Variants in MSH3 observed in about 807,000 individuals in gnomAD.
MSH3 encodes the protein DNA mismatch repair protein Msh3.
MSH3 carries 106 observed loss-of-function variants against 123.3 expected under a neutral mutation model. The ratio of observed to expected loss-of-function variants is 0.86; its 90% CI spans 0.73 to 1.01. The LOEUF is 1.01. MSH3 is among the 50% of genes least tolerant of loss of function. The pLI is 0.00. For missense variants in MSH3, 1,459 were observed against 1,347.6 expected, an observed-to-expected ratio of 1.08 and a Z score of -1.29; for synonymous variants, 515 against 481.4, an observed-to-expected ratio of 1.07 and a Z score of -0.91.
chr5:80,767,373 C>T (rs1744140776), intron 13 of MSH3, among the ~76,000 whole-genome samples: 1 of 152,002 alleles, frequency 6.6e-6, no homozygotes, highest in South Asian at 2.1e-4. Flanking sequence ...CATCCTGTTA[C>T]ATGGTTATTG....
At chr5:80,762,863 T>C (rs1391126691) in intron 13 of MSH3, among the ~76,000 whole-genome samples, 1 of 96,328 alleles carries the variant, frequency 1.0e-5, no homozygotes, top group Admixed American at 1.2e-4. Context: ...ATTTTATTTT[T>C]GAGACAGACT....
chr5:80,817,089 T>A (rs937797931), intron 20 of MSH3, among the ~76,000 whole-genome samples: 1 of 152,200 alleles, frequency 6.6e-6, no homozygotes, highest in Non-Finnish European at 1.5e-5. Flanking sequence ...GTTCTGAGAC[T>A]GAACCTTAAA....
At chr5:80,868,270 A>G (rs1476955315) in intron 22 of MSH3, among the ~76,000 whole-genome samples, 2 of 152,092 alleles carry the variant, frequency 1.3e-5, no homozygotes, top group Non-Finnish European at 2.9e-5. Context: ...GTTACTGGGT[A>G]TATACCCAGA....
At chr5:80,761,453 T>C in intron 12 of MSH3, 93 bp from the exon 13 acceptor site, 7 of 1,460,398 alleles carry the variant, frequency 4.8e-6, no homozygotes, top group South Asian at 4.6e-5. Flanking sequence ...GCCTAATAAG[T>C]GGCTGTGTCA....
At chr5:80,729,436 G>A (rs1338253962) in intron 10 of MSH3, among the ~76,000 whole-genome samples, 2 of 106,078 alleles carry the variant, frequency 1.9e-5, no homozygotes, top group Non-Finnish European at 4.0e-5. Context: ...AAAAATGTGT[G>A]TGTGTGTGTG....
chr5:80,700,348 T>G (rs1218177384), intron 8 of MSH3, among the ~76,000 whole-genome samples: 1 of 152,206 alleles, frequency 6.6e-6, no homozygotes, highest in Non-Finnish European at 1.5e-5. Flanking sequence ...CCCACTGCAC[T>G]CCAGTCTGGG....
intron 18 of MSH3, among the ~76,000 whole-genome samples, chr5:80,791,700 C>T (rs970076209): frequency 6.6e-6 from 1 of 152,140 alleles, no homozygotes; most frequent in Non-Finnish European, 1.5e-5. Flanking sequence ...ATGGTGAAAT[C>T]TATTTTTTGT....
chr5:80,784,383 A>G (rs1744467679), intron 17 of MSH3, among the ~76,000 whole-genome samples: 1 of 152,034 alleles, frequency 6.6e-6, no homozygotes, highest in Non-Finnish European at 1.5e-5. Context: ...GGCATCTTCA[A>G]AACTAGAGAG....
intron 8 of MSH3, among the ~76,000 whole-genome samples, chr5:80,683,485 A>T (rs1750016871): frequency 6.6e-6 from 1 of 152,106 alleles, no homozygotes. Context: ...TTCACATACC[A>T]GGCTGCCATT....
intron 21 of MSH3, among the ~76,000 whole-genome samples, chr5:80,854,587 A>G (rs1048212274): frequency 3.3e-5 from 5 of 152,156 alleles, no homozygotes; most frequent in Admixed American, 3.3e-4. Flanking sequence ...ATCCCTGCAT[A>G]CCCTTTTGTA....
At chr5:80,835,729 A>G (rs1745496419) in intron 20 of MSH3, among the ~76,000 whole-genome samples, 1 of 152,140 alleles carries the variant, frequency 6.6e-6, no homozygotes, top group African/African-American at 2.4e-5. Flanking sequence ...AGCCTAGCCA[A>G]CAGGGTGAAA....
intron 8 of MSH3, among the ~76,000 whole-genome samples, chr5:80,702,638 C>G (rs1438958414): frequency 6.6e-6 from 1 of 151,998 alleles, no homozygotes; most frequent in East Asian, 1.9e-4. Flanking sequence ...ACAGGTAACA[C>G]TTAACTAGAC....
intron 19 of MSH3, among the ~76,000 whole-genome samples, chr5:80,794,458 G>GA (rs1163619883): frequency 1.3e-5 from 2 of 152,182 alleles, no homozygotes; most frequent in South Asian, 2.1e-4. Context: ...AGGGCTCAGA[G>GA]AAAAAACCTG....
At chr5:80,826,911 T>A (rs1035593156) in intron 20 of MSH3, among the ~76,000 whole-genome samples, 11 of 152,196 alleles carry the variant, frequency 7.2e-5, no homozygotes, top group African/African-American at 2.7e-4. Context: ...AAGAAGCAGA[T>A]TTTTTTAAAA....
chr5:80,775,722 T>C lies in MSH3; in HGVS notation c.2282T>C (p.Val761Ala). Residue 761 changes from valine to alanine, a missense_variant, in exon 16 of 24, where the codon GTA becomes GCA. Transcript: ENST00000265081. ...ATGATAGAAATAAAGAACTCTGCTGTATCTTGTATACCAACTGATTGGGTA... is the reference window on the plus strand; with the variant it reads ...ATGATAGAAATAAAGAACTCTGCTGCATCTTGTATACCAACTGATTGGGTA... ...EFMIEIKNSA[V>A]SCIPTDWVKV... 6.3e-7 allele frequency: 1 copy of C among 1,587,766 alleles called. No individual in the cohort carries two copies. Among genetic ancestry groups the C allele is most frequent in the Non-Finnish European group, 8.6e-7 (1 of 1,156,338 alleles).
At chr5:80,874,006 G>A (rs1236857990) in intron 23 of MSH3, among the ~76,000 whole-genome samples, 3 of 152,026 alleles carry the variant, frequency 2.0e-5, no homozygotes, top group South Asian at 2.1e-4. Flanking sequence ...CACCCCTGCC[G>A]TACTTGGGGA....
intron 21 of MSH3, among the ~76,000 whole-genome samples, chr5:80,861,513 C>T (rs1458670354): frequency 6.6e-6 from 1 of 152,174 alleles, no homozygotes; most frequent in African/African-American, 2.4e-5. Flanking sequence ...GTAGTTTCTT[C>T]TGAGGGCAGA....
At chr5:80,872,883 A>G (rs1746245380) in intron 22 of MSH3, among the ~76,000 whole-genome samples, 1 of 152,242 alleles carries the variant, frequency 6.6e-6, no homozygotes, top group Admixed American at 6.5e-5. Flanking sequence ...TCATTGTTAA[A>G]AACTATTTTA....
At chr5:80,757,497 A>C (rs903295039) in intron 12 of MSH3, among the ~76,000 whole-genome samples, 3 of 152,140 alleles carry the variant, frequency 2.0e-5, no homozygotes, top group African/African-American at 7.2e-5. Flanking sequence ...TTTATCTTCA[A>C]ATGTGAAGGA....
Sources: allele counts gnomAD v4.1 joint callset (sites outside exome capture counted in the v4.1 genomes callset), GRCh38; gene constraint gnomAD v4.1.1; transcripts MANE v1.5; gene names NCBI Gene and HGNC (gene_info 2026-07-23, HGNC 2026-07-21).